The following NFIA variants were observed in gnomAD, a reference collection of about 807,000 sequenced individuals.
NFIA encodes the protein nuclear factor I A, also known as nuclear factor 1 A-type.
Under a neutral mutation model 62.8 loss-of-function variants are expected in NFIA, and 8 were observed. The observed-to-expected ratio is 0.13, with a 90% CI of 0.07 to 0.23. NFIA has a LOEUF of 0.23. Among genes scored for constraint, NFIA ranks in the 10% least tolerant of loss-of-function variants. The pLI is 1.00. For synonymous variants in NFIA, 235 were observed against 238.1 expected (o/e 0.99, Z 0.12); for missense variants, 410 against 642.1 (o/e 0.64, Z 3.91).
At chr1:61,081,372 C>CT (rs1200037141), upstream of NFIA, among the ~76,000 whole-genome samples, 1 of 152,040 alleles carries the variant, frequency 6.6e-6, no homozygotes, top group East Asian at 1.9e-4. Flanking sequence ...GCAGGAAGCT[C>CT]TTTTCCATTT....
intron 6 of NFIA, among the ~76,000 whole-genome samples, chr1:61,379,206 C>T (rs1439460041): frequency 6.6e-6 from 1 of 151,928 alleles, no homozygotes; most frequent in Non-Finnish European, 1.5e-5. Flanking sequence ...AGGCTGGAAA[C>T]TAGGAAGCCA....
At chr1:61,087,505 C>T (rs1646239127) in intron 1 of NFIA, among the ~76,000 whole-genome samples, 1 of 151,942 alleles carries the variant, frequency 6.6e-6, no homozygotes, top group Non-Finnish European at 1.5e-5. Context: ...ATGAACCTCC[C>T]AAATTTGTCC....
intron 2 of NFIA, among the ~76,000 whole-genome samples, chr1:61,200,295 G>T (rs920907943): frequency 6.6e-6 from 1 of 150,968 alleles, no homozygotes; most frequent in Non-Finnish European, 1.5e-5. Flanking sequence ...CATCTGTATG[G>T]GATAATAATA....
At chr1:61,433,550 T>TCACA (rs57237214) in intron 10 of NFIA, among the ~76,000 whole-genome samples, 5 of 150,634 alleles carry the variant, frequency 3.3e-5, no homozygotes, top group African/African-American at 7.3e-5. Flanking sequence ...GTATATATAC[T>TCACA]CACACACACA....
At chr1:61,322,375 T>G (rs1041008803) in intron 3 of NFIA, among the ~76,000 whole-genome samples, 4 of 152,178 alleles carry the variant, frequency 2.6e-5, no homozygotes, top group African/African-American at 9.7e-5. Flanking sequence ...CTGTTAATAT[T>G]CCCAGATGAG....
intron 2 of NFIA, among the ~76,000 whole-genome samples, chr1:61,126,902 A>C (rs957955859): frequency 7.4e-5 from 11 of 147,986 alleles, no homozygotes; most frequent in African/African-American, 2.8e-4. Flanking sequence ...ATCGTGCCTC[A>C]GCCTCCTGAG....
At chr1:61,382,149 T>C (rs745691273) in intron 6 of NFIA, among the ~76,000 whole-genome samples, 2 of 152,166 alleles carry the variant, frequency 1.3e-5, no homozygotes, top group Non-Finnish European at 2.9e-5. Flanking sequence ...ATGCGGAGAC[T>C]AGGAGTCATT....
At chr1:61,160,022 C>CA (rs1649081260) in intron 2 of NFIA, among the ~76,000 whole-genome samples, 1 of 152,126 alleles carries the variant, frequency 6.6e-6, no homozygotes, top group African/African-American at 2.4e-5. Context: ...CATAAGGCAG[C>CA]AAGGACATTT....
At chr1:61,081,896 GAA>G (rs1314438149), upstream of NFIA, 4 of 1,546,042 alleles carry the variant, frequency 2.6e-6, no homozygotes, top group East Asian at 9.8e-5. Context: ...TTCAGTGGGG[GAA>G]AAAAAGTTAC....
intron 1 of NFIA, among the ~76,000 whole-genome samples, chr1:61,083,769 G>GCCACCACCACCA (rs1553148707): frequency 6.6e-6 from 1 of 151,236 alleles, no homozygotes; most frequent in Non-Finnish European, 1.5e-5. Flanking sequence ...CGCCGCCGCC[G>GCCACCACCACCA]CCGCCACCAC....
chr1:61,236,377 G>A (rs1570430132), intron 2 of NFIA, among the ~76,000 whole-genome samples: 1 of 152,184 alleles, frequency 6.6e-6, no homozygotes, highest in East Asian at 1.9e-4. Flanking sequence ...CAAAATAACA[G>A]ACGGCAGTGT....
chr1:61,283,374 C>T (rs112992163), intron 3 of NFIA, among the ~76,000 whole-genome samples: 11,802 of 150,342 alleles, frequency 0.079, 513 homozygotes, highest in East Asian at 0.13. Flanking sequence ...AGTTCAAGAC[C>T]AGCCTGGCCA....
chr1:61,251,239 C>G (rs1390761144), intron 2 of NFIA: 1 of 152,176 alleles, frequency 6.6e-6, no homozygotes, highest in Non-Finnish European at 1.5e-5. Context: ...AAAAATTTCA[C>G]TGGAAAGGGA....
chr1:61,191,227 G>A (rs1651593916), intron 2 of NFIA, among the ~76,000 whole-genome samples: 1 of 151,986 alleles, frequency 6.6e-6, no homozygotes, highest in Non-Finnish European at 1.5e-5. Flanking sequence ...ATTGAAATTT[G>A]ACAACATTCT....
At chr1:61,260,899 T>C (rs567352318) in intron 2 of NFIA, among the ~76,000 whole-genome samples, 1 of 152,322 alleles carries the variant, frequency 6.6e-6, no homozygotes, top group South Asian at 2.1e-4. Flanking sequence ...TCATAGAGTT[T>C]CCACTTCCTT....
At chr1:61,293,475 C>T (rs886860599) in intron 3 of NFIA, among the ~76,000 whole-genome samples, 4 of 152,196 alleles carry the variant, frequency 2.6e-5, no homozygotes, top group East Asian at 3.8e-4. Context: ...GTTTCAAATA[C>T]GCCAGTCATA....
intron 2 of NFIA, among the ~76,000 whole-genome samples, chr1:61,090,837 A>T (rs543217110): frequency 2.0e-5 from 3 of 152,214 alleles, no homozygotes; most frequent in Admixed American, 2.0e-4. Context: ...GGAAGACTGT[A>T]AAAGAAAATA....
At chr1:61,230,667 C>T (rs549660423) in intron 2 of NFIA, among the ~76,000 whole-genome samples, 66 of 152,236 alleles carry the variant, frequency 4.3e-4, no homozygotes, top group African/African-American at 1.5e-3. Flanking sequence ...GTTAACATAC[C>T]TTCATTGACT....
intron 4 of NFIA, among the ~76,000 whole-genome samples, chr1:61,342,974 A>G (rs1292551968): frequency 6.6e-6 from 1 of 152,272 alleles, no homozygotes; most frequent in East Asian, 1.9e-4. Context: ...GAGATAATTC[A>G]GGTAAAATAC....
Sources: gnomAD v4.1 joint callset for allele counts (sites outside exome capture counted in the v4.1 genomes callset) on GRCh38, gnomAD v4.1.1 for gene constraint, MANE v1.5 for transcripts, NCBI Gene and HGNC (gene_info 2026-07-23, HGNC 2026-07-21) for gene names.